Variants in EXOC6B observed in about 807,000 individuals in gnomAD.
EXOC6B encodes SEC15 homolog B.
EXOC6B carries 54 observed loss-of-function variants against 113.5 expected under a neutral mutation model. The ratio of observed to expected loss-of-function variants is 0.48; its 90% CI spans 0.38 to 0.60. The LOEUF is 0.60. EXOC6B is among the 20% of genes least tolerant of loss of function. The pLI is 0.00. For synonymous variants in EXOC6B, 357 were observed against 339.0 expected, an observed-to-expected ratio of 1.05 and a Z score of -0.58; for missense variants, 797 against 977.5, an observed-to-expected ratio of 0.82 and a Z score of 2.46.
intron 20 of EXOC6B, among the ~76,000 whole-genome samples, chr2:72,209,765 A>G (rs899146329): frequency 1.3e-5 from 2 of 152,250 alleles, no homozygotes; most frequent in African/African-American, 4.8e-5. Flanking sequence ...GCTTACAGCT[A>G]CATCAGAGAA....
At position 72,262,976 on chromosome 2, in the gene EXOC6B, T is replaced by C. The variant is rs367684279; in HGVS notation, c.2196+71971A>G. On this transcript the variant is annotated intron_variant, in intron 20 of 21. Transcript: ENST00000272427. Reference sequence around the variant, plus strand: ...AAAATGGATAAACAGAATATAGCCATACCTAACACTGAAGATTTTCCTCTG... The same window carrying C: ...AAAATGGATAAACAGAATATAGCCACACCTAACACTGAAGATTTTCCTCTG... 1.2e-4 allele frequency among the ~76,000 whole-genome samples: 19 copies of C among 152,266 alleles called. 1 individual carries two copies. The highest frequency in any genetic ancestry group is 4.6e-4 in the African/African-American group (19 of 41,556).
chr2:72,370,531 T>C (rs1285228566), intron 19 of EXOC6B, among the ~76,000 whole-genome samples: 3 of 152,142 alleles, frequency 2.0e-5, no homozygotes, highest in South Asian at 2.1e-4. Flanking sequence ...CAAAGGAATA[T>C]AAATCATGCT....
At chr2:72,363,798 A>G (rs1343621997) in intron 19 of EXOC6B, among the ~76,000 whole-genome samples, 1 of 152,110 alleles carries the variant, frequency 6.6e-6, no homozygotes, top group Non-Finnish European at 1.5e-5. Flanking sequence ...AATAATTTAC[A>G]TATGGTAACA....
intron 18 of EXOC6B, among the ~76,000 whole-genome samples, chr2:72,403,462 G>C (rs6718052): frequency 6.6e-6 from 1 of 151,960 alleles, no homozygotes; most frequent in East Asian, 1.9e-4. Flanking sequence ...CAAGGTGGTA[G>C]GATTGCTTGA....
At chr2:72,405,078 G>A (rs1421262084) in intron 18 of EXOC6B, among the ~76,000 whole-genome samples, 4 of 152,298 alleles carry the variant, frequency 2.6e-5, no homozygotes, top group South Asian at 2.1e-4. Flanking sequence ...CTCAGTAGCC[G>A]ATTCAATCAA....
At chr2:72,220,258 T>C (rs1231059583) in intron 20 of EXOC6B, among the ~76,000 whole-genome samples, 1 of 152,226 alleles carries the variant, frequency 6.6e-6, no homozygotes, top group Non-Finnish European at 1.5e-5. Context: ...CATTCTTTCT[T>C]AATTGCTTCT....
At chr2:72,384,232 T>C (rs1434069632) in intron 18 of EXOC6B, among the ~76,000 whole-genome samples, 1 of 149,284 alleles carries the variant, frequency 6.7e-6, no homozygotes, top group Non-Finnish European at 1.5e-5. Flanking sequence ...ACAATGAGAG[T>C]GGGAATAGAG....
intron 20 of EXOC6B, among the ~76,000 whole-genome samples, chr2:72,319,520 C>G (rs753803533): frequency 2.6e-5 from 4 of 152,194 alleles, no homozygotes; most frequent in Non-Finnish European, 5.9e-5. Flanking sequence ...AAAACCACTA[C>G]ATCTGATAAG....
At chr2:72,720,485 TACCTATA>T (rs1679922393) in intron 5 of EXOC6B, among the ~76,000 whole-genome samples, 1 of 152,174 alleles carries the variant, frequency 6.6e-6, no homozygotes, top group African/African-American at 2.4e-5. Flanking sequence ...CAGTGGCTCA[TACCTATA>T]ATGCCAACAC....
intron 20 of EXOC6B, among the ~76,000 whole-genome samples, chr2:72,290,031 C>T (rs1299623384): frequency 1.3e-5 from 2 of 152,138 alleles, no homozygotes; most frequent in African/African-American, 4.8e-5. Flanking sequence ...TTTTTATTTG[C>T]CTTTGGACTC....
chr2:72,786,096 A>C (rs1052798830), intron 1 of EXOC6B, among the ~76,000 whole-genome samples: 1 of 152,240 alleles, frequency 6.6e-6, no homozygotes. Flanking sequence ...TAAGTAAGAC[A>C]TTCTACAAAA....
chr2:72,544,400 C>T (rs1404838670), intron 8 of EXOC6B, among the ~76,000 whole-genome samples: 3 of 151,824 alleles, frequency 2.0e-5, no homozygotes, highest in Admixed American at 6.6e-5. Flanking sequence ...ATAAACATGA[C>T]GGATTTTTTT....
intron 20 of EXOC6B, among the ~76,000 whole-genome samples, chr2:72,200,776 G>C (rs41390): frequency 0.36 from 55,418 of 151,990 alleles, 12,149 homozygotes; most frequent in African/African-American, 0.61. Context: ...ATAGTACACA[G>C]GTCAGGTGCC....
At chr2:72,496,948 C>CATTATTATTATTATTATTATT (rs57708306) in intron 13 of EXOC6B, among the ~76,000 whole-genome samples, 1 of 137,838 alleles carries the variant, frequency 7.3e-6, no homozygotes, top group Non-Finnish European at 1.5e-5. Context: ...TATAAATGTA[C>CATTATTATTATTATTATTATT]ATTATTATTA....
chr2:72,514,917 A>G (rs1176536348), intron 9 of EXOC6B, 126 bp downstream of exon 9: 1 of 890,542 alleles, frequency 1.1e-6, no homozygotes, highest in African/African-American at 1.7e-5. Context: ...ACATCCACCA[A>G]AAGTGGTCTC....
At chr2:72,777,045 A>G (rs1683748989) in intron 1 of EXOC6B, among the ~76,000 whole-genome samples, 2 of 152,200 alleles carry the variant, frequency 1.3e-5, no homozygotes, top group Non-Finnish European at 1.5e-5. Flanking sequence ...GTTCAAGACC[A>G]GCCTGGGCAA....
At chr2:72,580,175 A>G (rs907137033) in intron 6 of EXOC6B, among the ~76,000 whole-genome samples, 9 of 127,648 alleles carry the variant, frequency 7.1e-5, no homozygotes, top group Admixed American at 3.8e-4. Flanking sequence ...ACAGGGTCTC[A>G]CTGTCATCCA....
chr2:72,496,984 T>TATTATTATG (rs1478112631), intron 13 of EXOC6B, among the ~76,000 whole-genome samples: 1 of 141,594 alleles, frequency 7.1e-6, no homozygotes, highest in Admixed American at 7.0e-5. Context: ...TTATTATTAT[T>TATTATTATG]ATTATTAGAG....
intron 20 of EXOC6B, among the ~76,000 whole-genome samples, chr2:72,302,215 A>G (rs1686573951): frequency 6.6e-6 from 1 of 151,950 alleles, no homozygotes. Flanking sequence ...GTTTGGTATG[A>G]TTTTGATTCT....
Sources: allele counts gnomAD v4.1 joint callset (sites outside exome capture counted in the v4.1 genomes callset), GRCh38; gene constraint gnomAD v4.1.1; transcripts MANE v1.5; gene names NCBI Gene and HGNC (gene_info 2026-07-23, HGNC 2026-07-21).